Variants in SAMD3 observed in about 807,000 individuals in gnomAD.
The protein encoded by SAMD3 is sterile alpha motif domain containing 3.
Under a neutral mutation model 58.5 loss-of-function variants are expected in SAMD3, and 63 were observed. That is an observed-to-expected ratio of 1.08 (90% CI 0.88 to 1.33). SAMD3 has a LOEUF of 1.33. SAMD3 is among the 40% of genes most tolerant of loss of function. The pLI is 0.00. For missense variants in SAMD3, 604 were observed against 608.4 expected (o/e 0.99, Z 0.08); for synonymous variants, 220 against 210.3 (o/e 1.05, Z -0.40).
chr6:130,250,763 T>A (rs1028128671), intron 2 of SAMD3, among the ~76,000 whole-genome samples: 15 of 152,374 alleles, frequency 9.8e-5, no homozygotes, highest in Admixed American at 9.8e-4. Flanking sequence ...ATAGCATGGA[T>A]AAGTACTTCA....
upstream of SAMD3, chr6:130,365,577 C>T: frequency 4.1e-6 from 4 of 985,370 alleles, no homozygotes; most frequent in Non-Finnish European, 4.8e-6. Flanking sequence ...TCGGCTGGAG[C>T]TCCCCAGCCG....
At chr6:130,255,496 A>T (rs1054954250) in intron 2 of SAMD3, among the ~76,000 whole-genome samples, 1 of 152,192 alleles carries the variant, frequency 6.6e-6, no homozygotes, top group African/African-American at 2.4e-5. Context: ...GTGCATAAAT[A>T]TTTACAATTG....
rs192610748 is a variant in SAMD3, at chr6:130,289,906, T to G, written c.-188+23072A>C. On this transcript the variant is annotated intron_variant, in intron 2 of 13. Coordinates refer to the SAMD3 transcript ENST00000368134. ...TATTTGCTGTAGCCAAACTAATACA[T>G]GTACTGGCAGATCTCGTAATCTTGG... is the stretch of plus-strand genomic sequence containing the variant. Among the ~76,000 whole-genome samples, 154 of 152,316 alleles carry G rather than the reference T, an allele frequency of 1.0e-3. 1 individual carries two copies. Among genetic ancestry groups the G allele is most frequent in the Non-Finnish European group, 1.1e-3 (74 of 68,018 alleles).
At chr6:130,189,313 T>C (rs906012768) in intron 5 of SAMD3, among the ~76,000 whole-genome samples, 1 of 152,056 alleles carries the variant, frequency 6.6e-6, no homozygotes, top group East Asian at 1.9e-4. Flanking sequence ...CTGTATGCCA[T>C]GTGAGGTCAG....
chr6:130,277,546 T>G (rs1299709418), intron 2 of SAMD3, among the ~76,000 whole-genome samples: 2 of 152,234 alleles, frequency 1.3e-5, no homozygotes, highest in Non-Finnish European at 2.9e-5. Flanking sequence ...TACAGTCTAC[T>G]GGTTCTCCTT....
Position 130,209,503 on chromosome 6 carries a change from C to T in SAMD3, c.375G>A (p.Leu125=). The T allele has an allele frequency of 1.9e-6, 3 of 1,597,298 alleles. No individual in the cohort carries two copies. Among genetic ancestry groups the T allele is most frequent in the Non-Finnish European group, 2.6e-6 (3 of 1,164,838 alleles). The change falls in exon 5 of 12, where the codon TTG becomes TTA. Residue 125 remains leucine (L), a synonymous_variant. Transcript: ENST00000439090. ...AAAGTTGGTACCCCCACCTCTGTTT[C>T]AATACTCTTTGGTCAATTAGTCCAT... ...LDNGLIDQRV[L]KQRRNVKQIL...
At chr6:130,224,682 G>A (rs1389646374), upstream of SAMD3, among the ~76,000 whole-genome samples, 8 of 151,278 alleles carry the variant, frequency 5.3e-5, no homozygotes, top group Non-Finnish European at 1.2e-4. Context: ...GTAATGGCAC[G>A]ATCTCAGCTC....
rs1304146714 is a variant in SAMD3, at chr6:130,144,800, T to TG, written c.1282dup (p.Gln428ProfsTer10). On this transcript the variant is annotated frameshift_variant, in exon 12 of 12. Transcript: ENST00000439090. LOFTEE classifies it high-confidence loss of function. Reference sequence around the variant, plus strand: ...AACTTCCAACACAGGTGTGGACACTTGCACCTGAAAAAAAGAGTGGAGTCA... The same window carrying TG: ...AACTTCCAACACAGGTGTGGACACTTGGCACCTGAAAAAAAGAGTGGAGTCA... 1.9e-6 allele frequency: 3 copies of TG among 1,605,800 alleles called. No individual in the cohort carries two copies. The highest frequency in any genetic ancestry group is 2.7e-5 in the African/African-American group (2 of 74,132).
At chr6:130,292,707 C>A (rs1583060259) in intron 2 of SAMD3, among the ~76,000 whole-genome samples, 1 of 152,148 alleles carries the variant, frequency 6.6e-6, no homozygotes, top group East Asian at 1.9e-4. Flanking sequence ...CAAGCTCCAC[C>A]TCCCAGGTTC....
chr6:130,318,187 G>T (rs1776451276), intron 1 of SAMD3, among the ~76,000 whole-genome samples: 1 of 151,996 alleles, frequency 6.6e-6, no homozygotes, highest in South Asian at 2.1e-4. Context: ...TAATTCAGTG[G>T]GCATTTGAGT....
chr6:130,360,513 G>A (rs1777953859), intron 1 of SAMD3, among the ~76,000 whole-genome samples: 1 of 152,210 alleles, frequency 6.6e-6, no homozygotes, highest in African/African-American at 2.4e-5. Flanking sequence ...TGTACGAATA[G>A]GGTGTGGGTC....
At chr6:130,354,755 G>A (rs910554049) in intron 1 of SAMD3, among the ~76,000 whole-genome samples, 2 of 152,064 alleles carry the variant, frequency 1.3e-5, no homozygotes, top group African/African-American at 4.8e-5. Context: ...TCTGTGACAC[G>A]AATTTACCTA....
At chr6:130,164,825 C>G (rs1299681061) in intron 8 of SAMD3, among the ~76,000 whole-genome samples, 1 of 152,026 alleles carries the variant, frequency 6.6e-6, no homozygotes, top group African/African-American at 2.4e-5. Flanking sequence ...GCCTTGTCAC[C>G]ACACCTAACT....
intron 1 of SAMD3, among the ~76,000 whole-genome samples, chr6:130,341,687 G>A (rs1431985359): frequency 6.6e-6 from 1 of 152,164 alleles, no homozygotes; most frequent in Non-Finnish European, 1.5e-5. Flanking sequence ...TATACTAAGA[G>A]TGGGGCTGAT....
chr6:130,359,593 C>A (rs756377572), intron 1 of SAMD3, among the ~76,000 whole-genome samples: 4 of 152,022 alleles, frequency 2.6e-5, no homozygotes, highest in Non-Finnish European at 4.4e-5. Context: ...CATTTTGTAC[C>A]CATTAGGGCA....
chr6:130,158,827 G>A (rs993974657), intron 8 of SAMD3, among the ~76,000 whole-genome samples: 2 of 152,164 alleles, frequency 1.3e-5, no homozygotes, highest in African/African-American at 4.8e-5. Flanking sequence ...TGGTGACTCG[G>A]TTTACACCCT....
intron 1 of SAMD3, among the ~76,000 whole-genome samples, chr6:130,334,925 A>C (rs1203155300): frequency 6.6e-6 from 1 of 152,240 alleles, no homozygotes; most frequent in Non-Finnish European, 1.5e-5. Context: ...GCCAGCATGC[A>C]TGCTTAGTGT....
intron 5 of SAMD3, among the ~76,000 whole-genome samples, chr6:130,188,666 A>G (rs922027788): frequency 1.3e-5 from 2 of 152,148 alleles, no homozygotes; most frequent in African/African-American, 4.8e-5. Flanking sequence ...AAAGTCAATA[A>G]TGATTTCCTG....
intron 2 of SAMD3, among the ~76,000 whole-genome samples, chr6:130,298,646 A>C (rs1030864158): frequency 6.6e-6 from 1 of 152,170 alleles, no homozygotes; most frequent in African/African-American, 2.4e-5. Flanking sequence ...GGAACTAGAT[A>C]AACAAAAAGC....
Sources: gnomAD v4.1 joint callset for allele counts (sites outside exome capture counted in the v4.1 genomes callset) on GRCh38, gnomAD v4.1.1 for gene constraint, MANE v1.5 for transcripts, NCBI Gene and HGNC (gene_info 2026-07-23, HGNC 2026-07-21) for gene names.